Variants in SHTN1 observed in about 807,000 individuals in gnomAD.
The protein encoded by SHTN1 is shootin 1.
A neutral mutation model predicts 83.1 loss-of-function variants in SHTN1; 42 were observed. That is an observed-to-expected ratio of 0.51 (90% CI 0.39 to 0.65). The LOEUF is 0.65. SHTN1 is among the 30% of genes least tolerant of loss of function. The probability of loss-of-function intolerance (pLI) is 0.00; values close to 1 mark genes in which losing one functional copy is unlikely to be tolerated. For synonymous variants in SHTN1, 224 were observed against 247.7 expected, an observed-to-expected ratio of 0.90 and a Z score of 0.90; for missense variants, 622 against 737.8, an observed-to-expected ratio of 0.84 and a Z score of 1.82.
At chr10:117,092,158 T>C (rs373267913) in intron 1 of SHTN1, among the ~76,000 whole-genome samples, 31 of 152,386 alleles carry the variant, frequency 2.0e-4, no homozygotes, top group Middle Eastern at 6.8e-3. Context: ...GCATTCACTA[T>C]GCCCAACACA....
At chr10:116,978,367 ATCT>A (rs1170606012) in intron 2 of SHTN1, among the ~76,000 whole-genome samples, 2 of 152,160 alleles carry the variant, frequency 1.3e-5, no homozygotes, top group African/African-American at 2.4e-5. Flanking sequence ...AGTGATGGCT[ATCT>A]TCTTCTTTAA....
At chr10:117,024,583 C>T (rs902886369) in intron 2 of SHTN1, among the ~76,000 whole-genome samples, 1 of 151,960 alleles carries the variant, frequency 6.6e-6, no homozygotes, top group African/African-American at 2.4e-5. Flanking sequence ...TGGTCTCGAT[C>T]TCCTGACCTC....
chr10:116,928,836 T>A (rs1848844946), intron 10 of SHTN1, among the ~76,000 whole-genome samples: 1 of 152,192 alleles, frequency 6.6e-6, no homozygotes, highest in African/African-American at 2.4e-5. Flanking sequence ...TTTCTTTTCT[T>A]CTGTATTTCT....
At chr10:116,963,881 T>G (rs1850295842) in intron 3 of SHTN1, among the ~76,000 whole-genome samples, 1 of 152,190 alleles carries the variant, frequency 6.6e-6, no homozygotes, top group African/African-American at 2.4e-5. Context: ...ATTAGTCTAC[T>G]TGAATTAGCG....
intron 1 of SHTN1, among the ~76,000 whole-genome samples, chr10:117,062,254 A>G (rs1852914400): frequency 1.3e-5 from 2 of 152,376 alleles, no homozygotes; most frequent in African/African-American, 2.4e-5. Context: ...TATGATTTAT[A>G]GGTAAAAGTG....
chr10:116,940,684 A>G (rs1849336786), intron 8 of SHTN1, 72 bp from the exon 9 acceptor site: 2 of 1,240,782 alleles, frequency 1.6e-6, no homozygotes, highest in African/African-American at 1.5e-5. Flanking sequence ...ACTTCAGCAA[A>G]AGAAAAGTAC....
At chr10:117,007,769 AT>A (rs1852045064), upstream of SHTN1, among the ~76,000 whole-genome samples, 1 of 151,742 alleles carries the variant, frequency 6.6e-6, no homozygotes, top group African/African-American at 2.4e-5. Flanking sequence ...AGTGATGGCT[AT>A]GGGAGGCCGA....
At chr10:116,976,953 A>G (rs1850828908) in intron 2 of SHTN1, among the ~76,000 whole-genome samples, 1 of 152,216 alleles carries the variant, frequency 6.6e-6, no homozygotes, top group Non-Finnish European at 1.5e-5. Context: ...GATGTCATGA[A>G]AGTATTAGGC....
chr10:117,094,292 G>A lies in SHTN1; in HGVS notation c.-189+32015C>T, dbSNP rs1041880454. Among the ~76,000 whole-genome samples, 7 of 152,270 alleles carry A rather than the reference G, an allele frequency of 4.6e-5. No individual in the cohort carries two copies. The East Asian group carries it at 7.7e-4, about 17-fold the overall frequency. On this transcript the variant is annotated intron_variant, in intron 1 of 17. Transcript: ENST00000392901. ...TAATATTTGCTGATTACAATGACAC[G>A]CAATATACTTCAGCTTGGATTGATA...
chr10:117,087,455 A>G (rs1487092891), intron 1 of SHTN1, among the ~76,000 whole-genome samples: 2 of 152,214 alleles, frequency 1.3e-5, no homozygotes, highest in Non-Finnish European at 2.9e-5. Context: ...AGATACATTT[A>G]TTTACATTTG....
chr10:116,968,606 A>C, intron 3 of SHTN1, 46 bp downstream of exon 3: 1 of 1,378,816 alleles, frequency 7.3e-7, no homozygotes, highest in Non-Finnish European at 1.0e-6. Context: ...CATAATCCCC[A>C]ATAGGCTATA....
chr10:117,109,552 A>ATTTTTTTTTTT (rs1564962314), intron 1 of SHTN1, among the ~76,000 whole-genome samples: 2 of 16,556 alleles, frequency 1.2e-4, no homozygotes, highest in African/African-American at 2.4e-4. Flanking sequence ...AACATATATT[A>ATTTTTTTTTTT]CTTTTTTTTT....
intron 13 of SHTN1, among the ~76,000 whole-genome samples, chr10:116,914,932 G>A (rs74159008): frequency 0.058 from 8,887 of 152,180 alleles, 831 homozygotes; most frequent in African/African-American, 0.19. Context: ...TTCTGCTGTT[G>A]TTATTATGTG....
intron 4 of SHTN1, among the ~76,000 whole-genome samples, chr10:116,954,548 T>C (rs1005530738): frequency 4.6e-5 from 7 of 152,194 alleles, no homozygotes; most frequent in Non-Finnish European, 1.0e-4. Context: ...CAAGCAAATC[T>C]TCTGCGTGCT....
At chr10:117,084,234 CCTTT>C (rs1853314279) in intron 1 of SHTN1, among the ~76,000 whole-genome samples, 1 of 151,854 alleles carries the variant, frequency 6.6e-6, no homozygotes, top group Non-Finnish European at 1.5e-5. Context: ...GTGTGGATGT[CCTTT>C]CTGTTTGTTA....
chr10:116,953,754 A>G (rs1849874032), intron 5 of SHTN1, among the ~76,000 whole-genome samples: 1 of 148,274 alleles, frequency 6.7e-6, no homozygotes, highest in African/African-American at 2.4e-5. Flanking sequence ...CAGCCTCCCA[A>G]GTAGCTGGGA....
intron 1 of SHTN1, among the ~76,000 whole-genome samples, chr10:117,124,715 A>G (rs1488962796): frequency 1.3e-5 from 2 of 151,998 alleles, no homozygotes; most frequent in Non-Finnish European, 2.9e-5. Flanking sequence ...CAGAGGTTGC[A>G]GTGAGCTGAG....
intron 9 of SHTN1, among the ~76,000 whole-genome samples, chr10:116,938,622 C>A (rs1253335306): frequency 1.3e-5 from 2 of 152,208 alleles, no homozygotes; most frequent in Non-Finnish European, 2.9e-5. Context: ...GGAGGTGTCT[C>A]CCAGTCAGGA....
intron 2 of SHTN1, among the ~76,000 whole-genome samples, chr10:117,018,484 A>C (rs1852212813): frequency 6.6e-6 from 1 of 151,666 alleles, no homozygotes; most frequent in Non-Finnish European, 1.5e-5. Context: ...TCAATCTGAT[A>C]AAGGGTGTAT....
Sources: allele counts gnomAD v4.1 joint callset (sites outside exome capture counted in the v4.1 genomes callset), GRCh38; gene constraint gnomAD v4.1.1; transcripts MANE v1.5; gene names NCBI Gene and HGNC (gene_info 2026-07-23, HGNC 2026-07-21).